Variants in GRIA4 observed in about 807,000 individuals in gnomAD.
GRIA4 encodes glutamate receptor 4.
GRIA4 carries 34 observed loss-of-function variants against 104.0 expected under a neutral mutation model. The observed-to-expected ratio is 0.33, with a 90% CI of 0.25 to 0.44. The LOEUF (loss-of-function observed/expected upper bound fraction) is 0.44, where lower values mean the gene tolerates loss of function less well. Among genes scored for constraint, GRIA4 ranks in the 20% least tolerant of loss-of-function variants. The pLI is 1.00. For missense variants in GRIA4, 750 were observed against 1,096.5 expected (o/e 0.68, Z 4.46); for synonymous variants, 386 against 381.9 (o/e 1.01, Z -0.13).
chr11:105,648,599 AAAAG>A (rs1370723546), intron 3 of GRIA4, among the ~76,000 whole-genome samples: 3 of 152,008 alleles, frequency 2.0e-5, no homozygotes, highest in South Asian at 4.1e-4. Context: ...AAAGGAAAAA[AAAAG>A]AAAGAACTAG....
At position 105,953,654 on chromosome 11, in the gene GRIA4, T is replaced by TAC. The variant is rs1591481782; in HGVS notation, c.2295-18258_2295-18257dup. ...ATACACACACACACACACATATATA[T>TAC]ACATACATACACACACACACACATT... On this transcript the variant is annotated intron_variant, in intron 14 of 16. Transcript: ENST00000282499. 6.6e-5 allele frequency among the ~76,000 whole-genome samples: 10 copies of TAC among 151,680 alleles called. No homozygotes were observed. The East Asian group carries it at 9.7e-4, about 15-fold the overall frequency.
At chr11:105,649,488 A>G (rs1951626413) in intron 3 of GRIA4, among the ~76,000 whole-genome samples, 1 of 152,188 alleles carries the variant, frequency 6.6e-6, no homozygotes, top group Non-Finnish European at 1.5e-5. Context: ...TTGATAGACA[A>G]GGTTTAAGAT....
chr11:105,966,759 T>C (rs1168158614), intron 14 of GRIA4, among the ~76,000 whole-genome samples: 3 of 152,282 alleles, frequency 2.0e-5, no homozygotes, highest in South Asian at 2.1e-4. Flanking sequence ...TAACAGAATA[T>C]GCTAGTGTCC....
At chr11:105,908,613 C>CA (rs386362602) in intron 9 of GRIA4, among the ~76,000 whole-genome samples, 17,219 of 130,778 alleles carry the variant, frequency 0.13, 1,203 homozygotes, top group African/African-American at 0.21. Context: ...AGGTATAAGG[C>CA]CAAAAAAAAA....
intron 3 of GRIA4, chr11:105,706,203 G>A (rs2135535526): frequency 6.6e-6 from 1 of 152,338 alleles, no homozygotes; most frequent in East Asian, 1.9e-4. Context: ...TCAAGGCAAT[G>A]CTGTGCTGAG....
chr11:105,640,688 C>T (rs1299841901), intron 3 of GRIA4, among the ~76,000 whole-genome samples: 1 of 151,810 alleles, frequency 6.6e-6, no homozygotes, highest in Non-Finnish European at 1.5e-5. Flanking sequence ...TAATATATTT[C>T]TATTTTAAAG....
intron 3 of GRIA4, among the ~76,000 whole-genome samples, chr11:105,751,474 A>G (rs1939993246): frequency 6.6e-6 from 1 of 152,192 alleles, no homozygotes; most frequent in Non-Finnish European, 1.5e-5. Flanking sequence ...TATATCTTGC[A>G]AGAAAATTAC....
rs111710629 is a variant in GRIA4, at chr11:105,779,644, A to C, written c.487+26424A>C. 3.6e-3 allele frequency among the ~76,000 whole-genome samples: 548 copies of C among 152,028 alleles called. 7 individuals are homozygous for C. The highest frequency in any genetic ancestry group is 0.011 in the African/African-American group (457 of 41,444). ...AAACTTAAAAGTATAATAAAAAAAA[A>C]AACAACAAAAAAAACTACTTGAAAG... On this transcript the variant is annotated intron_variant, in intron 4 of 16. Transcript: ENST00000282499.
chr11:105,817,895 C>T (rs1457860345), intron 4 of GRIA4, among the ~76,000 whole-genome samples: 1 of 151,970 alleles, frequency 6.6e-6, no homozygotes, highest in Non-Finnish European at 1.5e-5. Flanking sequence ...GAAATTAAAT[C>T]CAGTGGAAAA....
intron 14 of GRIA4, among the ~76,000 whole-genome samples, chr11:105,971,302 G>A (rs1010502346): frequency 3.9e-5 from 6 of 152,148 alleles, no homozygotes; most frequent in African/African-American, 1.4e-4. Flanking sequence ...ATGGGCTTAC[G>A]CTTTAAAATA....
intron 3 of GRIA4, among the ~76,000 whole-genome samples, chr11:105,640,423 TCTA>T (rs1185977205): frequency 1.3e-5 from 2 of 151,852 alleles, no homozygotes; most frequent in African/African-American, 4.8e-5. Flanking sequence ...AAATAATAAT[TCTA>T]CTATCAAATA....
chr11:105,922,899 C>T (rs931658722), intron 11 of GRIA4, among the ~76,000 whole-genome samples: 2 of 152,208 alleles, frequency 1.3e-5, no homozygotes, highest in South Asian at 4.1e-4. Flanking sequence ...AAACTATATA[C>T]ATAATGATAG....
intron 3 of GRIA4, among the ~76,000 whole-genome samples, chr11:105,642,510 T>C (rs1273608615): frequency 8.4e-6 from 1 of 119,194 alleles, no homozygotes; most frequent in Admixed American, 1.1e-4. Flanking sequence ...TTAACTAGGC[T>C]ATATAATCAA....
At chr11:105,652,483 GT>G (rs1467036794) in intron 3 of GRIA4, among the ~76,000 whole-genome samples, 2 of 152,082 alleles carry the variant, frequency 1.3e-5, no homozygotes, top group Non-Finnish European at 2.9e-5. Context: ...TTTTAACGGA[GT>G]TTCTTTTATT....
intron 14 of GRIA4, among the ~76,000 whole-genome samples, chr11:105,964,440 C>T (rs1465746814): frequency 1.3e-5 from 2 of 152,146 alleles, no homozygotes; most frequent in African/African-American, 2.4e-5. Flanking sequence ...AGACAATAAA[C>T]ACTTTAGTAG....
intron 4 of GRIA4, among the ~76,000 whole-genome samples, chr11:105,807,995 T>C (rs1943020302): frequency 6.6e-6 from 1 of 151,984 alleles, no homozygotes; most frequent in African/African-American, 2.4e-5. Flanking sequence ...AATACTCTCT[T>C]TTGATTCTCT....
At chr11:105,847,483 C>T (rs1411020481) in intron 4 of GRIA4, among the ~76,000 whole-genome samples, 1 of 152,168 alleles carries the variant, frequency 6.6e-6, no homozygotes, top group African/African-American at 2.4e-5. Flanking sequence ...ACCTCTTTAT[C>T]TCTAGCATTT....
intron 3 of GRIA4, among the ~76,000 whole-genome samples, chr11:105,744,155 T>C (rs1004480362): frequency 6.6e-6 from 1 of 152,196 alleles, no homozygotes; most frequent in Non-Finnish European, 1.5e-5. Context: ...ATTCACCATC[T>C]TGGATTATCA....
At chr11:105,719,777 GAA>G (rs111574386) in intron 3 of GRIA4, among the ~76,000 whole-genome samples, 1 of 137,140 alleles carries the variant, frequency 7.3e-6, no homozygotes, top group Non-Finnish European at 1.6e-5. Context: ...CAATGATTGG[GAA>G]AAAAAAAAAA....
Sources: allele counts gnomAD v4.1 joint callset (sites outside exome capture counted in the v4.1 genomes callset), GRCh38; gene constraint gnomAD v4.1.1; transcripts MANE v1.5; gene names NCBI Gene and HGNC (gene_info 2026-07-23, HGNC 2026-07-21).